Variants in MGST1 observed in about 807,000 individuals in gnomAD.
MGST1 encodes the protein glutathione S-transferase 12.
A neutral mutation model predicts 8.9 loss-of-function variants in MGST1; 5 were observed. The ratio of observed to expected loss-of-function variants is 0.56; its 90% CI spans 0.29 to 1.19. MGST1 has a LOEUF of 1.19. Ranked by LOEUF, MGST1 falls within the 50% of genes most tolerant of loss-of-function variation. MGST1 has a pLI of 0.08. For synonymous variants in MGST1, 54 were observed against 67.8 expected, an observed-to-expected ratio of 0.80 and a Z score of 1.00; for missense variants, 182 against 187.4, an observed-to-expected ratio of 0.97 and a Z score of 0.17.
At chr12:16,434,665 T>G (rs1940968433) in intron 1 of MGST1, among the ~76,000 whole-genome samples, 1 of 152,044 alleles carries the variant, frequency 6.6e-6, no homozygotes, top group Non-Finnish European at 1.5e-5. Context: ...CTTTTTTCTT[T>G]CTTTTCTTTT....
At position 16,525,389 on chromosome 12, in the gene MGST1, C is replaced by T. The variant is rs182546590; in HGVS notation, n.483-64139C>T. ...ATTCCCACCTATGAGTGAGAATATG[C>T]GGTGTTTGGTTTTTTGTTCTTGCGA... is the stretch of plus-strand genomic sequence containing the variant. On this transcript the variant is annotated intron_variant and non_coding_transcript_variant, in intron 4 of 4. Transcript: ENST00000538857. Among the ~76,000 whole-genome samples, 63 of 149,994 alleles carry T rather than the reference C, an allele frequency of 4.2e-4. 1 individual carries two copies. Among genetic ancestry groups the T allele is most frequent in the African/African-American group, 1.1e-3 (46 of 40,754 alleles).
At chr12:16,391,181 T>A (rs895196297) in intron 1 of MGST1, among the ~76,000 whole-genome samples, 1 of 151,388 alleles carries the variant, frequency 6.6e-6, no homozygotes, top group Non-Finnish European at 1.5e-5. Context: ...CTGGGATACA[T>A]GTGCAGAACG....
At position 16,494,600 on chromosome 12, in the gene MGST1, C is replaced by T. The variant is rs541907141; in HGVS notation, n.483-94928C>T. On this transcript the variant is annotated intron_variant and non_coding_transcript_variant, in intron 4 of 4. Coordinates refer to the MGST1 transcript ENST00000538857. Reference sequence around the variant, plus strand: ...TAAAGTTATATAAAGTTGCCTTTTGCAAGCTATGATTGTCTCCACAGTTCA... The same window carrying T: ...TAAAGTTATATAAAGTTGCCTTTTGTAAGCTATGATTGTCTCCACAGTTCA... 3.9e-5 allele frequency among the ~76,000 whole-genome samples: 6 copies of T among 152,130 alleles called. 1 individual carries two copies. In the South Asian group the frequency reaches 1.0e-3, roughly 26 times the overall value.
intron 4 of MGST1, among the ~76,000 whole-genome samples, chr12:16,502,358 A>G (rs1941510036): frequency 6.6e-6 from 1 of 152,212 alleles, no homozygotes; most frequent in African/African-American, 2.4e-5. Flanking sequence ...TCCCTAATAA[A>G]TAGGTGCAAT....
At chr12:16,552,388 A>G (rs572835894) in intron 4 of MGST1, among the ~76,000 whole-genome samples, 4 of 152,038 alleles carry the variant, frequency 2.6e-5, no homozygotes, top group Non-Finnish European at 5.9e-5. Flanking sequence ...TCCAGCAGAA[A>G]TCTTAGTGGA....
chr12:16,542,557 C>A (rs1165855402), intron 4 of MGST1, among the ~76,000 whole-genome samples: 1 of 152,108 alleles, frequency 6.6e-6, no homozygotes, highest in Non-Finnish European at 1.5e-5. Context: ...TCATACTTGA[C>A]CCTTCTTCAT....
In MGST1 at chr12:16,517,186, A is replaced by T. The variant is rs535831831; in HGVS notation, n.483-72342A>T. 6.6e-6 allele frequency among the ~76,000 whole-genome samples: 1 copy of T among 152,340 alleles called. No homozygotes were observed. The highest frequency in any genetic ancestry group is 2.1e-4 in the South Asian group (1 of 4,826). ...AAACTTCACAATCATCTGATCGAAT[A>T]TATGAGATCTAATGAAAGACTCTTA... is the stretch of plus-strand genomic sequence containing the variant. On this transcript the variant is annotated intron_variant and non_coding_transcript_variant, in intron 4 of 4. Transcript: ENST00000538857. The surrounding 1 kb of genome is among the most constrained non-coding windows in gnomAD (Gnocchi z 4.2).
intron 4 of MGST1, among the ~76,000 whole-genome samples, chr12:16,492,885 C>T (rs1941448560): frequency 6.6e-6 from 1 of 152,126 alleles, no homozygotes; most frequent in Non-Finnish European, 1.5e-5. Flanking sequence ...ACACAAGCTA[C>T]TCTAAAAGAG....
Position 16,503,555 on chromosome 12 carries a change from C to T in MGST1, n.483-85973C>T, listed in dbSNP as rs1351148571. On this transcript the variant is annotated intron_variant and non_coding_transcript_variant, in intron 4 of 4. Coordinates refer to the MGST1 transcript ENST00000538857. This position sits in a 1 kb window ranked among gnomAD's most constrained non-coding sequence, Gnocchi z 4.8. The stretch of plus-strand genomic sequence containing the variant: ...TTCTGTTCACCACTCTATCTCTTCT[C>T]TACTATTGGCTTCATAATTGTACAT... Among the ~76,000 whole-genome samples, 1 of 152,088 alleles carries T rather than the reference C, an allele frequency of 6.6e-6. No homozygotes were observed. The highest frequency in any genetic ancestry group is 1.5e-5 in the Non-Finnish European group (1 of 68,014).
chr12:16,386,636 G>C (rs1940506307), intron 1 of MGST1, among the ~76,000 whole-genome samples: 1 of 152,168 alleles, frequency 6.6e-6, no homozygotes, highest in African/African-American at 2.4e-5. Context: ...TGATGTTACT[G>C]TATATGACCA....
intron 1 of MGST1, among the ~76,000 whole-genome samples, chr12:16,411,628 A>T (rs1320167889): frequency 6.6e-6 from 1 of 152,160 alleles, no homozygotes; most frequent in African/African-American, 2.4e-5. Flanking sequence ...GGGGCTTCAG[A>T]TCCTGTAAAT....
chr12:16,528,959 G>A (rs11832467), intron 4 of MGST1, among the ~76,000 whole-genome samples: 27,314 of 151,870 alleles, frequency 0.18, 3,356 homozygotes, highest in African/African-American at 0.34. Flanking sequence ...TACTTTGTTA[G>A]AAGATGAAAG....
intron 3 of MGST1, among the ~76,000 whole-genome samples, chr12:16,360,876 A>G (rs1939957768): frequency 6.6e-6 from 1 of 152,174 alleles, no homozygotes. Flanking sequence ...ATGAACACAC[A>G]TATATGGAGA....
At chr12:16,418,512 A>G (rs557853486) in intron 1 of MGST1, among the ~76,000 whole-genome samples, 1 of 152,200 alleles carries the variant, frequency 6.6e-6, no homozygotes, top group South Asian at 2.1e-4. Flanking sequence ...TCACGTTTCA[A>G]CAAGCGGTGT....
intron 4 of MGST1, among the ~76,000 whole-genome samples, chr12:16,444,916 G>A (rs1941067348): frequency 6.6e-6 from 1 of 151,808 alleles, no homozygotes; most frequent in South Asian, 2.1e-4. Flanking sequence ...TTTTCTAAGG[G>A]CATATAGTGT....
At chr12:16,591,119 G>A (rs866910767), downstream of MGST1, among the ~76,000 whole-genome samples, 6 of 152,132 alleles carry the variant, frequency 3.9e-5, no homozygotes, top group Middle Eastern at 3.4e-3. The surrounding 1 kb of genome is among the most constrained non-coding windows in gnomAD (Gnocchi z 4.1). Flanking sequence ...ACGGGGCATT[G>A]TTTGTTGCAA....
intron 1 of MGST1, among the ~76,000 whole-genome samples, chr12:16,433,813 G>T (rs1472724252): frequency 6.6e-6 from 1 of 152,010 alleles, no homozygotes; most frequent in Non-Finnish European, 1.5e-5. Flanking sequence ...AAGGCGTTCA[G>T]TTAGTTTTAA....
Position 16,401,077 on chromosome 12 carries a change from T to A in MGST1, n.778+17473T>A. 1.3e-6 allele frequency: 2 copies of A among 1,593,946 alleles called. No individual in the cohort carries two copies. The stretch of plus-strand genomic sequence containing the variant: ...TGCCCGAGAACCTCTTCCCAAAAGG[T>A]CCTCTGCCTCATCTTTCTCCTCCTC... On this transcript the variant is annotated intron_variant and non_coding_transcript_variant, in intron 1 of 1. Transcript: ENST00000359720. The surrounding 1 kb of genome is among the most constrained non-coding windows in gnomAD (Gnocchi z 4.3).
chr12:16,385,047 G>C (rs774008875), intron 1 of MGST1, among the ~76,000 whole-genome samples: 4 of 152,206 alleles, frequency 2.6e-5, no homozygotes, highest in Non-Finnish European at 5.9e-5. Context: ...TAGATATGCT[G>C]AGAAAACAGC....
Sources: gnomAD v4.1 joint callset for allele counts (sites outside exome capture counted in the v4.1 genomes callset) on GRCh38, gnomAD v4.1.1 for gene constraint, Gnocchi (gnomAD v3.1) non-coding constraint, MANE v1.5 for transcripts, NCBI Gene and HGNC (gene_info 2026-07-23, HGNC 2026-07-21) for gene names.